Variants in CAPN2 observed in about 807,000 individuals in gnomAD.
CAPN2 encodes calpain-2 catalytic subunit.
In CAPN2, 92 loss-of-function variants were observed where a neutral mutation model predicts 102.3. The ratio of observed to expected loss-of-function variants is 0.90; its 90% confidence interval spans 0.76 to 1.07. CAPN2 has a LOEUF of 1.07. CAPN2 is among the 50% of genes least tolerant of loss of function. The pLI is 0.00. For synonymous variants in CAPN2, 340 were observed against 355.4 expected (o/e 0.96, Z 0.49); for missense variants, 800 against 909.4 (o/e 0.88, Z 1.55).
chr1:223,710,589 A>C (rs1030670138), upstream of CAPN2, among the ~76,000 whole-genome samples: 1 of 152,176 alleles, frequency 6.6e-6, no homozygotes, highest in East Asian at 1.9e-4. Context: ...TCCAGCGTGA[A>C]CATCAACCAG....
chr1:223,703,635 C>T (rs1659534748), intron 1 of CAPN2, among the ~76,000 whole-genome samples: 1 of 152,230 alleles, frequency 6.6e-6, no homozygotes, highest in South Asian at 2.1e-4. Context: ...TTCCCCATCT[C>T]TTTTCATAGG....
intron 1 of CAPN2, 36 bp from the exon 2 acceptor site, chr1:223,717,726 G>A (rs750969391): frequency 1.9e-6 from 3 of 1,582,114 alleles, no homozygotes; most frequent in Non-Finnish European, 2.6e-6. Flanking sequence ...GCACCTGGCT[G>A]GTAGGCTAAC....
intron 2 of CAPN2, among the ~76,000 whole-genome samples, chr1:223,743,427 G>A (rs528920277): frequency 2.6e-5 from 4 of 152,224 alleles, no homozygotes; most frequent in African/African-American, 4.8e-5. Context: ...GGCGTGCAAC[G>A]TTTGTCCCCT....
chr1:223,762,896 C>G (rs1316581891), intron 14 of CAPN2, among the ~76,000 whole-genome samples: 1 of 151,828 alleles, frequency 6.6e-6, no homozygotes, highest in Non-Finnish European at 1.5e-5. Context: ...GCCATGTTGC[C>G]CAGGCTGCTC....
At chr1:223,709,661 C>CAAAAAAAAAAAAAAAAAAAAAAAAA (rs779362608), upstream of CAPN2, among the ~76,000 whole-genome samples, 1 of 137,856 alleles carries the variant, frequency 7.3e-6, no homozygotes, top group African/African-American at 2.7e-5. Context: ...AACTCCATCT[C>CAAAAAAAAAAAAAAAAAAAAAAAAA]AAAAAAAAAA....
At chr1:223,706,082 G>A (rs1026987828) in intron 1 of CAPN2, among the ~76,000 whole-genome samples, 6 of 152,176 alleles carry the variant, frequency 3.9e-5, no homozygotes, top group African/African-American at 1.2e-4. Flanking sequence ...CAGCAGCTTC[G>A]GCTCTTGCCT....
At chr1:223,708,034 T>C (rs1234580874), upstream of CAPN2, among the ~76,000 whole-genome samples, 1 of 152,298 alleles carries the variant, frequency 6.6e-6, no homozygotes, top group South Asian at 2.1e-4. Context: ...GTGGAACAAA[T>C]GAACAGCTTC....
At position 223,750,967 on chromosome 1, in the gene CAPN2, G is replaced by T. The variant is rs138405763; in HGVS notation, c.891G>T (p.Trp297Cys). The T allele has an allele frequency of 2.6e-6, 4 of 1,551,910 alleles. No homozygotes were observed. Among genetic ancestry groups the T allele is most frequent in the Non-Finnish European group, 3.5e-6 (4 of 1,147,152 alleles). The change falls in exon 7 of 21, where the codon TGG (tryptophan) becomes TGT (cysteine). Residue 297 changes from tryptophan to cysteine, a missense_variant. Physicochemically the swap from Trp to Cys is radical, Grantham distance 215 (BLOSUM62 -2). Transcript: ENST00000295006. ...PWGEVEWTGR[W>C]NDNCPSWNTI... Reference sequence around the variant, plus strand: ...GAGAAGTGGAGTGGACAGGGCGGTGGAATGACAAGTGAGGAGGGCGCAGGC... The same window carrying T: ...GAGAAGTGGAGTGGACAGGGCGGTGTAATGACAAGTGAGGAGGGCGCAGGC...
chr1:223,763,677 T>C lies in CAPN2; in HGVS notation c.1633-473T>C, dbSNP rs563433070. ...AGATAAGAGGAATGGTATAAGAGAA[T>C]TAAGAAAGACCACAAACATGGGTAG... On this transcript the variant is annotated intron_variant, in intron 14 of 20. Coordinates refer to ENST00000295006, the MANE Select transcript of CAPN2 (RefSeq NM_001748.5). Among the ~76,000 whole-genome samples, 94 of 152,130 alleles carry C rather than the reference T, an allele frequency of 6.2e-4. 1 individual carries two copies. Among genetic ancestry groups the C allele is most frequent in the Non-Finnish European group, 1.1e-3 (75 of 68,006 alleles).
Position 223,755,765 on chromosome 1 carries a change from C to A in CAPN2, c.1305+116C>A. On this transcript the variant is annotated intron_variant, in intron 10 of 20. Coordinates refer to ENST00000295006, the MANE Select transcript of CAPN2 (RefSeq NM_001748.5). The surrounding 1 kb of genome is among the most constrained non-coding windows in gnomAD (Gnocchi z 4.1). ...TGGGATCCCAGACCGGGAGCTTGGC[C>A]AAGGAAAAACAAAACTACCAGCCTG... is the stretch of plus-strand genomic sequence containing the variant. 3 of 1,057,350 alleles carry A rather than the reference C, an allele frequency of 2.8e-6. No homozygotes were observed. The highest frequency in any genetic ancestry group is 1.6e-5 in the African/African-American group (1 of 61,640). 65.5% of individuals were successfully genotyped at this position (1,057,350 alleles called of 1,614,324 possible).
chr1:223,737,737 A>C (rs1427551975), intron 2 of CAPN2, among the ~76,000 whole-genome samples: 10 of 145,096 alleles, frequency 6.9e-5, no homozygotes, highest in South Asian at 2.3e-4. Context: ...ATACAATAAC[A>C]CCATGTACTG....
At chr1:223,766,545 T>C (rs949264905) in intron 16 of CAPN2, 114 bp downstream of exon 16, 5 of 815,744 alleles carry the variant, frequency 6.1e-6, no homozygotes, top group East Asian at 2.5e-5. Context: ...GTTCCCAACT[T>C]GCTGAGTTGC....
intron 7 of CAPN2, 79 bp from the exon 8 acceptor site, chr1:223,751,918 T>C: frequency 1.1e-6 from 1 of 905,750 alleles, no homozygotes; most frequent in Non-Finnish European, 1.8e-6. Context: ...TGAGAGCAGA[T>C]GTCCCTCTTC....
chr1:223,713,973 T>G (rs1438012231), intron 1 of CAPN2, among the ~76,000 whole-genome samples: 3 of 152,232 alleles, frequency 2.0e-5, no homozygotes, highest in African/African-American at 7.2e-5. Context: ...CCTGCCGTCA[T>G]GGCCTCCTTT....
At chr1:223,734,280 A>G (rs1189392833) in intron 2 of CAPN2, among the ~76,000 whole-genome samples, 1 of 152,158 alleles carries the variant, frequency 6.6e-6, no homozygotes, top group Non-Finnish European at 1.5e-5. Context: ...CCTCTTTTAA[A>G]AAATGTACTT....
In CAPN2 at chr1:223,737,975, T is replaced by TA. The variant is rs138693680; in HGVS notation, c.308-6124dup. On this transcript the variant is annotated intron_variant, in intron 2 of 20. Transcript: ENST00000295006. Reference sequence around the variant, plus strand: ...CTAGATTTTTTCTGTGCCATTTATTTATCTATATCCTCATGCACAAGTTCT... The same window carrying TA: ...CTAGATTTTTTCTGTGCCATTTATTTAATCTATATCCTCATGCACAAGTTCT... Among the ~76,000 whole-genome samples the TA allele has an allele frequency of 8.0e-3, 1,223 of 152,262 alleles. 13 individuals carry two copies. Among genetic ancestry groups the TA allele is most frequent in the African/African-American group, 0.028 (1,144 of 41,530 alleles).
intron 5 of CAPN2, among the ~76,000 whole-genome samples, chr1:223,747,841 A>G (rs1050242761): frequency 2.0e-5 from 3 of 152,176 alleles, no homozygotes; most frequent in East Asian, 1.9e-4. Flanking sequence ...TCAAAGTGCC[A>G]TCTCTTAGAG....
intron 12 of CAPN2, among the ~76,000 whole-genome samples, chr1:223,760,497 GC>G (rs1376470879): frequency 6.6e-6 from 1 of 152,214 alleles, no homozygotes; most frequent in Non-Finnish European, 1.5e-5. Flanking sequence ...CACGGCTGTA[GC>G]CCCCCTGCCA....
intron 16 of CAPN2, among the ~76,000 whole-genome samples, chr1:223,769,086 G>A (rs1661405093): frequency 6.6e-6 from 1 of 152,098 alleles, no homozygotes. Flanking sequence ...GGCAGCCTAA[G>A]CTTCTGTGAA....
Sources: gnomAD v4.1 joint callset for allele counts (sites outside exome capture counted in the v4.1 genomes callset) on GRCh38, gnomAD v4.1.1 for gene constraint, Gnocchi (gnomAD v3.1) non-coding constraint, MANE v1.5 for transcripts, NCBI Gene and HGNC (gene_info 2026-07-23, HGNC 2026-07-21) for gene names.